The following ATP13A5 variants were observed in gnomAD, a reference collection of about 807,000 sequenced individuals.
ATP13A5 encodes the protein ATPase 13A5.
Under a neutral mutation model 150.2 loss-of-function variants are expected in ATP13A5, and 149 were observed. That is an observed-to-expected ratio of 0.99 (90% CI 0.87 to 1.14). The LOEUF (loss-of-function observed/expected upper bound fraction) is 1.14. Ranked by LOEUF, ATP13A5 falls within the 50% of genes most tolerant of loss-of-function variation. The pLI, the probability that ATP13A5 is intolerant of heterozygous loss-of-function variation, is 0.00. For missense variants in ATP13A5, 1,383 were observed against 1,449.3 expected (o/e 0.95, Z 0.74); for synonymous variants, 497 against 522.2 (o/e 0.95, Z 0.66).
At chr3:193,344,743 A>C (rs965188909) in intron 8 of ATP13A5, among the ~76,000 whole-genome samples, 2 of 152,142 alleles carry the variant, frequency 1.3e-5, no homozygotes, top group Admixed American at 1.3e-4. Flanking sequence ...GGCTTGGGTG[A>C]GGGTAAGGCA....
At chr3:193,317,078 C>G (rs1014239599) in intron 17 of ATP13A5, among the ~76,000 whole-genome samples, 4 of 152,322 alleles carry the variant, frequency 2.6e-5, no homozygotes, top group East Asian at 1.9e-4. Flanking sequence ...ACTTTAGGCA[C>G]TTGGCTGCTT....
intron 24 of ATP13A5, among the ~76,000 whole-genome samples, chr3:193,299,817 CT>C (rs1215192555): frequency 6.6e-6 from 1 of 152,150 alleles, no homozygotes; most frequent in African/African-American, 2.4e-5. Flanking sequence ...AGGAAGTTGC[CT>C]TGCAATATCT....
At position 193,275,280 on chromosome 3, in the gene ATP13A5, T is replaced by C. The variant is rs1217769782; in HGVS notation, c.3419A>G (p.Glu1140Gly). Residue 1140 changes from glutamate to glycine, a missense_variant, in exon 30 of 30, where the codon GAA (glutamate) becomes GGA (glycine). Physicochemically the swap from Glu to Gly is moderately conservative, Grantham distance 98. Around this residue, in one of 3 missense-constraint regions of ATP13A5, gnomAD observed 568 missense variants for 621.5 expected, o/e 0.91. Transcript: ENST00000342358. ...FVEDSILQNHELWLLIKREFG... is the reference protein window; with the variant it reads ...FVEDSILQNHGLWLLIKREFG... ...TTCTCTTTTGATCAACAGCCAGAGT[T>C]CATGATTTTGAAGGATGGAATCCTG... The C allele has an allele frequency of 6.2e-7, 1 of 1,613,612 alleles. No individual in the cohort carries two copies. The highest frequency in any genetic ancestry group is 1.3e-5 in the African/African-American group (1 of 74,910).
At chr3:193,331,036 C>T in intron 12 of ATP13A5, 87 bp downstream of exon 12, 2 of 1,371,742 alleles carry the variant, frequency 1.5e-6, no homozygotes, top group South Asian at 2.7e-5. Flanking sequence ...AAAATGGGAA[C>T]ACTGGACTAG....
intron 23 of ATP13A5, among the ~76,000 whole-genome samples, chr3:193,302,272 G>C (rs140641767): frequency 5.9e-5 from 9 of 152,302 alleles, no homozygotes; most frequent in Non-Finnish European, 1.2e-4. Context: ...AGAAGGCAAG[G>C]GTGGGAGAGA....
At chr3:193,321,885 T>C in intron 15 of ATP13A5, 48 bp from the exon 16 acceptor site, 7 of 1,596,722 alleles carry the variant, frequency 4.4e-6, no homozygotes, top group Non-Finnish European at 6.0e-6. Flanking sequence ...CTAAGTGATA[T>C]TTCCAAATGC....
At chr3:193,286,562 T>C (rs1245995898) in intron 26 of ATP13A5, among the ~76,000 whole-genome samples, 2 of 152,204 alleles carry the variant, frequency 1.3e-5, no homozygotes, top group Non-Finnish European at 2.9e-5. Flanking sequence ...TCATAATTGT[T>C]TTGAGATGCC....
At chr3:193,279,696 T>C (rs1717393510) in intron 27 of ATP13A5, among the ~76,000 whole-genome samples, 1 of 152,146 alleles carries the variant, frequency 6.6e-6, no homozygotes, top group Admixed American at 6.5e-5. Context: ...GTAACCTCCA[T>C]AAAGCAGCTG....
At chr3:193,311,704 T>G (rs1718854972) in intron 20 of ATP13A5, 112 bp downstream of exon 20, 1 of 1,446,260 alleles carries the variant, frequency 6.9e-7, no homozygotes, top group Non-Finnish European at 9.3e-7. Flanking sequence ...TGGGGGTGTT[T>G]ATTCTCTAAC....
chr3:193,378,655 A>T lies in ATP13A5; in HGVS notation c.63+8T>A, dbSNP rs1403996307. On this transcript the variant is annotated splice_region_variant and intron_variant, in intron 1 of 29. Transcript: ENST00000342358. ...TGAGAAGACTAATAAAATAAAGGGAAGACTCACCAGTTCATCCTCCTCTCC... is the reference window on the plus strand; with the variant it reads ...TGAGAAGACTAATAAAATAAAGGGATGACTCACCAGTTCATCCTCCTCTCC... 1 of 1,612,188 alleles carries T rather than the reference A, an allele frequency of 6.2e-7. No individual in the cohort carries two copies. The highest frequency in any genetic ancestry group is 2.2e-5 in the East Asian group (1 of 44,878).
intron 25 of ATP13A5, among the ~76,000 whole-genome samples, chr3:193,294,989 C>G (rs1718106690): frequency 6.6e-6 from 1 of 152,112 alleles, no homozygotes; most frequent in South Asian, 2.1e-4. Context: ...TATCATGCCA[C>G]TTTCTTCTGA....
intron 25 of ATP13A5, among the ~76,000 whole-genome samples, chr3:193,297,545 C>T (rs1187626813): frequency 6.6e-6 from 1 of 152,078 alleles, no homozygotes; most frequent in Non-Finnish European, 1.5e-5. Flanking sequence ...AGCCCATTTA[C>T]TAGCTACAGT....
intron 3 of ATP13A5, 147 bp from the exon 4 acceptor site, chr3:193,362,784 T>TGAGA: frequency 1.8e-6 from 1 of 544,222 alleles, no homozygotes; most frequent in Non-Finnish European, 3.2e-6. Context: ...TTTCTTTCTT[T>TGAGA]CTTTCTTTCT....
intron 27 of ATP13A5, among the ~76,000 whole-genome samples, chr3:193,282,561 G>A (rs1405408511): frequency 1.3e-5 from 2 of 152,156 alleles, no homozygotes; most frequent in Non-Finnish European, 2.9e-5. Context: ...TTATTTAGCA[G>A]AGATGGGGTT....
At chr3:193,345,197 A>T (rs552488997) in intron 7 of ATP13A5, 122 bp from the exon 8 acceptor site, 387 of 876,992 alleles carry the variant, frequency 4.4e-4, no homozygotes, top group Non-Finnish European at 6.6e-4. Context: ...AAAGGACTCA[A>T]CTTCTTTTGA....
In ATP13A5 at chr3:193,320,708, G is replaced by A. The variant is rs543671868; in HGVS notation, c.1915+973C>T. On this transcript the variant is annotated intron_variant, in intron 16 of 29. Transcript: ENST00000342358. ...TCTAGAATTCTCTGCACAAGTTGAT[G>A]GCCATCAGCAATCATAAGGAGAGTC... Among the ~76,000 whole-genome samples the A allele has an allele frequency of 3.3e-5, 5 of 152,256 alleles. No homozygotes were observed. The East Asian group carries it at 9.7e-4, about 29-fold the overall frequency.
chr3:193,363,682 T>C (rs563152552), intron 2 of ATP13A5, among the ~76,000 whole-genome samples: 1 of 152,362 alleles, frequency 6.6e-6, no homozygotes, highest in Admixed American at 6.5e-5. Flanking sequence ...GAAAGCTTTC[T>C]ATCCAGAAAA....
intron 19 of ATP13A5, 30 bp downstream of exon 19, chr3:193,314,003 C>A: frequency 6.2e-7 from 1 of 1,610,388 alleles, no homozygotes; most frequent in Non-Finnish European, 8.5e-7. Flanking sequence ...CAGTCTAGGC[C>A]CACGGAGGGG....
At chr3:193,318,961 T>C in intron 17 of ATP13A5, 30 bp downstream of exon 17, 3 of 1,500,582 alleles carry the variant, frequency 2.0e-6, no homozygotes, top group Non-Finnish European at 2.8e-6. Flanking sequence ...GCACAGAGCC[T>C]GCTCTAGTGC....
Sources: allele counts gnomAD v4.1 joint callset (sites outside exome capture counted in the v4.1 genomes callset), GRCh38; gene constraint gnomAD v4.1.1; regional missense constraint gnomAD v4.1.1; transcripts MANE v1.5; gene names NCBI Gene and HGNC (gene_info 2026-07-23, HGNC 2026-07-21).